The following POU5F1 variants were observed in gnomAD, a reference collection of about 807,000 sequenced individuals.
The protein encoded by POU5F1 is POU class 5 homeobox 1.
In POU5F1, 6 loss-of-function variants were observed where a neutral mutation model predicts 38.3. The ratio of observed to expected loss-of-function variants is 0.16; its 90% CI spans 0.09 to 0.31. The LOEUF is 0.31. Ranked by LOEUF, POU5F1 falls within the 10% of genes least tolerant of loss-of-function variation. The pLI is 1.00. For synonymous variants in POU5F1, 147 were observed against 194.9 expected (o/e 0.75, Z 2.05); for missense variants, 286 against 462.6 (o/e 0.62, Z 3.50).
At chr6:31,169,811 C>A (rs773866448) in intron 1 of POU5F1, 3 of 258,514 alleles carry the variant, frequency 1.2e-5, no homozygotes, top group African/African-American at 2.2e-5. Flanking sequence ...GTCAAATTTT[C>A]AAGCAGGACT....
chr6:31,170,664 G>A lies in POU5F1; in HGVS notation c.-44C>T, dbSNP rs1181696317. Reference sequence around the variant, plus strand: ...AAGCCGGGGGCCTGGTGAAATGAGGGCTTGCGAAGGGACTACTCAACCCCT... The same window carrying A: ...AAGCCGGGGGCCTGGTGAAATGAGGACTTGCGAAGGGACTACTCAACCCCT... On this transcript the variant is annotated 5_prime_UTR_variant, in exon 1 of 5. Transcript: ENST00000259915. The A allele has an allele frequency of 6.6e-7, 1 of 1,514,560 alleles. No individual in the cohort carries two copies. The highest frequency in any genetic ancestry group is 2.1e-5 in the Admixed American group (1 of 46,524). 93.8% of individuals were successfully genotyped at this position (1,514,560 alleles called of 1,614,324 possible). A position where few individuals can be genotyped will look rare whatever the true frequency, so the allele number is the denominator to read the frequency against.
rs751745427 is a variant in POU5F1, at chr6:31,166,015, G to C, written c.438C>G (p.Leu146=). The part of the protein sequence containing the change: ...SQDIKALQKE[L]EQFAKLLKQK... The stretch of plus-strand genomic sequence containing the variant: ...GCTTCAGGAGCTTGGCAAATTGCTC[G>C]AGTTCTTTCTGCAGAGCTTTGATGT... Residue 146 remains leucine, a synonymous_variant, in exon 2 of 5, where the codon CTC becomes CTG. Transcript: ENST00000259915. 6.2e-7 allele frequency: 1 copy of C among 1,614,214 alleles called. No individual in the cohort carries two copies. Among genetic ancestry groups the C allele is most frequent in the Admixed American group, 1.7e-5 (1 of 60,018 alleles).
Position 31,165,835 on chromosome 6 carries a change from G to C in POU5F1, c.526+92C>G, listed in dbSNP as rs1777190285. 6.7e-7 allele frequency: 1 copy of C among 1,503,424 alleles called. No individual in the cohort carries two copies. Among genetic ancestry groups the C allele is most frequent in the Non-Finnish European group, 8.9e-7 (1 of 1,128,686 alleles). 93.1% of individuals were successfully genotyped at this position (1,503,424 alleles called of 1,614,324 possible). A position where few individuals can be genotyped will look rare whatever the true frequency, so the allele number is the denominator to read the frequency against. On this transcript the variant is annotated intron_variant, in intron 2 of 4. Coordinates refer to ENST00000259915, the MANE Select transcript of POU5F1 (RefSeq NM_002701.6). The surrounding 1 kb of genome is among the most constrained non-coding windows in gnomAD (Gnocchi z 6.5). ...CTCCCTCTCCCTACTCCTCTTCATG[G>C]GTGAGGGTAGTCTGCCCCTGCCCCT...
Position 31,165,916 on chromosome 6 carries a change from G to C in POU5F1, c.526+11C>G. 2 of 1,614,004 alleles carry C rather than the reference G, an allele frequency of 1.2e-6. No homozygotes were observed. Among genetic ancestry groups the C allele is most frequent in the South Asian group, 2.2e-5 (2 of 91,062 alleles). On this transcript the variant is annotated intron_variant, in intron 2 of 4. Transcript: ENST00000259915. This position sits in a 1 kb window ranked among gnomAD's most constrained non-coding sequence, Gnocchi z 6.5. ...GGGAGATGCGGTCAGAATCTGCAGA[G>C]GGGAACCCACCAAATAGAACCCCCA...
At chr6:31,170,036 TG>T in intron 1 of POU5F1, 179 bp downstream of exon 1, 3 of 951,422 alleles carry the variant, frequency 3.2e-6, no homozygotes, top group Non-Finnish European at 4.6e-6. Flanking sequence ...ACTTCCCACC[TG>T]GCCCCTGCCT....
chr6:31,168,380 C>T (rs1481027623), intron 1 of POU5F1, among the ~76,000 whole-genome samples: 2 of 152,028 alleles, frequency 1.3e-5, no homozygotes, highest in Non-Finnish European at 2.9e-5. Flanking sequence ...AGATTACAGG[C>T]ATGCGTCACC....
intron 1 of POU5F1, chr6:31,166,662 GA>G (rs9279005): frequency 0.53 from 498,577 of 934,324 alleles, 84,791 homozygotes; most frequent in Admixed American, 0.6. Context: ...CTGTCTCAAA[GA>G]AAAAAAAAAA....
rs939388761 is a variant in POU5F1 at position 31,170,257 on chromosome 6, C to T, written c.364G>A (p.Val122Met). 18 of 1,612,824 alleles carry T rather than the reference C, an allele frequency of 1.1e-5. No homozygotes were observed. Among genetic ancestry groups the T allele is most frequent in the Admixed American group, 5.0e-5 (3 of 60,008 alleles). Residue 122 changes from valine to methionine, a missense_variant, in exon 1 of 5, where the codon GTG (valine) becomes ATG (methionine). This residue lies in a region of POU5F1 where 176 missense variants were observed against 184.8 expected (regional missense o/e 0.95). Transcript: ENST00000259915. ...TCCAGCTTCTCCTTCTCCAGCTTCACGGCACCAGGGGTGACGGTGCAGGGC... is the reference window on the plus strand; with the variant it reads ...TCCAGCTTCTCCTTCTCCAGCTTCATGGCACCAGGGGTGACGGTGCAGGGC... Reference protein sequence around the residue: ...PEPCTVTPGAVKLEKEKLEQN... With the variant: ...PEPCTVTPGAMKLEKEKLEQN...
Position 31,164,421 on chromosome 6 carries a change from T to C in POU5F1, c.*180A>G. The C allele has an allele frequency of 7.3e-6, 8 of 1,097,346 alleles. No individual in the cohort carries two copies. The highest frequency in any genetic ancestry group is 3.2e-5 in the African/African-American group (2 of 62,516). 68.0% of individuals were successfully genotyped at this position (1,097,346 alleles called of 1,614,324 possible). ...TGTGGGATTAAAATCAAGAGCATCA[T>C]TGAACTTCACCTTCCCTCCAACCAG... On this transcript the variant is annotated 3_prime_UTR_variant, in exon 5 of 5. Coordinates refer to ENST00000259915, the MANE Select transcript of POU5F1 (RefSeq NM_002701.6).
rs1777069475 is a variant in POU5F1, at chr6:31,164,705, T to C, written c.979A>G (p.Ser327Gly). The C allele has an allele frequency of 3.8e-6, 6 of 1,593,482 alleles. No individual in the cohort carries two copies. In the East Asian group the frequency reaches 1.4e-4, roughly 36 times the overall value. ...GPHFGTPGYG[S>G]PHFTALYSSV... ...GAGTACAGTGCAGTGAAGTGAGGGC[T>C]CCCATAGCCTGGGGTACCAAAATGG... is the stretch of plus-strand genomic sequence containing the variant. The change falls in exon 5 of 5, where the codon AGC (serine) becomes GGC (glycine). Residue 327 changes from serine to glycine, a missense_variant. Physicochemically the swap from Ser to Gly is moderately conservative, Grantham distance 56. Around this residue, in one of 2 missense-constraint regions of POU5F1, gnomAD observed 110 missense variants for 277.8 expected, o/e 0.40. Transcript: ENST00000259915.
rs773234839 is a variant in POU5F1 at position 31,164,880 on chromosome 6, G to A, written c.817-13C>T. 3.7e-6 allele frequency: 6 copies of A among 1,604,272 alleles called. No individual in the cohort carries two copies. The Admixed American group carries it at 8.5e-5, about 23-fold the overall frequency. On this transcript the variant is annotated splice_polypyrimidine_tract_variant and intron_variant, in intron 4 of 4. Coordinates refer to ENST00000259915, the MANE Select transcript of POU5F1 (RefSeq NM_002701.6). ...ACACTCGGACCACCTGCAAGTGAAT[G>A]ACAGAAAGGAGAATGACATTAGACA...
At chr6:31,167,132 C>G (rs1244144141) in intron 1 of POU5F1, 1 of 431,110 alleles carries the variant, frequency 2.3e-6, no homozygotes, top group African/African-American at 2.0e-5. Context: ...CTTCAAGTTG[C>G]CCACTTGGAT....
chr6:31,170,547 G>T lies in POU5F1; in HGVS notation c.74C>A (p.Pro25Gln), dbSNP rs1264513957. Residue 25 changes from proline (P) to glutamine (Q), a missense_variant, in exon 1 of 5, where the codon CCG becomes CAG. Physicochemically the swap from Pro to Gln is moderately conservative, Grantham distance 76. Coordinates refer to ENST00000259915, the MANE Select transcript of POU5F1 (RefSeq NM_002701.6). The part of the protein sequence containing the change: ...PGGGGDGPGG[P>Q]EPGWVDPRTW... ...CCGAGGATCAACCCAGCCCGGCTCC[G>T]GCCCCCCTGGCCCATCACCTCCACC... 6.4e-7 allele frequency: 1 copy of T among 1,570,518 alleles called. No individual in the cohort carries two copies. Among genetic ancestry groups the T allele is most frequent in the South Asian group, 1.2e-5 (1 of 85,936 alleles).
intron 1 of POU5F1, among the ~76,000 whole-genome samples, chr6:31,168,096 T>C (rs1446013905): frequency 6.6e-6 from 1 of 152,020 alleles, no homozygotes; most frequent in Non-Finnish European, 1.5e-5. Context: ...CCCACCACCA[T>C]GCCCGGCTAA....
chr6:31,167,982 G>A (rs1413168524), intron 1 of POU5F1, among the ~76,000 whole-genome samples: 1 of 151,840 alleles, frequency 6.6e-6, no homozygotes, highest in South Asian at 2.1e-4. Flanking sequence ...TCGTTCTATC[G>A]CCCAGGCTGG....
chr6:31,165,664 C>T lies in POU5F1; in HGVS notation c.564G>A (p.Glu188=). The T allele has an allele frequency of 5.0e-6, 8 of 1,613,746 alleles. No individual in the cohort carries two copies. Among genetic ancestry groups the T allele is most frequent in the Non-Finnish European group, 6.8e-6 (8 of 1,179,870 alleles). Reference sequence around the variant, plus strand: ...TGTTCTTGAAGCTAAGCTGCAGAGCCTCAAAGCGGCAGATGGTCGTTTGGC... The same window carrying T: ...TGTTCTTGAAGCTAAGCTGCAGAGCTTCAAAGCGGCAGATGGTCGTTTGGC... ...VFSQTTICRF[E]ALQLSFKNMC... The change falls in exon 3 of 5, where the codon GAG becomes GAA. Residue 188 remains glutamate, a synonymous_variant. Transcript: ENST00000259915. The surrounding 1 kb of genome is among the most constrained non-coding windows in gnomAD (Gnocchi z 6.5).
At position 31,165,101 on chromosome 6, in the gene POU5F1, G is replaced by A; in HGVS notation, c.816+27C>T. On this transcript the variant is annotated intron_variant, in intron 4 of 4. Transcript: ENST00000259915. The surrounding 1 kb of genome is among the most constrained non-coding windows in gnomAD (Gnocchi z 6.5). ...GAGGTGGTGACAGGGGAAAGAGATG[G>A]AGCCCGCAGAGAGACATGGCACTCA... is the stretch of plus-strand genomic sequence containing the variant. 1 of 1,599,856 alleles carries A rather than the reference G, an allele frequency of 6.3e-7. No individual in the cohort carries two copies. Among genetic ancestry groups the A allele is most frequent in the South Asian group, 1.1e-5 (1 of 88,954 alleles).
At position 31,170,665 on chromosome 6, in the gene POU5F1, C is replaced by G; in HGVS notation, c.-45G>C. ...AGCCGGGGGCCTGGTGAAATGAGGG[C>G]TTGCGAAGGGACTACTCAACCCCTC... is the stretch of plus-strand genomic sequence containing the variant. On this transcript the variant is annotated 5_prime_UTR_variant, in exon 1 of 5. Coordinates refer to ENST00000259915, the MANE Select transcript of POU5F1 (RefSeq NM_002701.6). The G allele has an allele frequency of 2.0e-6, 3 of 1,514,448 alleles. No homozygotes were observed. The highest frequency in any genetic ancestry group is 2.7e-6 in the Non-Finnish European group (3 of 1,129,786). 93.8% of individuals were successfully genotyped at this position (1,514,448 alleles called of 1,614,324 possible).
In POU5F1 at chr6:31,170,452, C is replaced by T; in HGVS notation, c.169G>A (p.Val57Met). Residue 57 changes from valine to methionine, a missense_variant, in exon 1 of 5, where the codon GTG becomes ATG. By Grantham distance (21) the Val-to-Met change is conservative. This residue lies in a region of POU5F1 where 176 missense variants were observed against 184.8 expected (regional missense o/e 0.95). Coordinates refer to ENST00000259915, the MANE Select transcript of POU5F1 (RefSeq NM_002701.6). ...IGPGVGPGSE[V>M]WGIPPCPPPY... ...GGGGGGCATGGGGGAATCCCCCACA[C>T]CTCAGAGCCTGGCCCAACCCCCGGC... The T allele has an allele frequency of 6.2e-7, 1 of 1,609,914 alleles. No homozygotes were observed. Among genetic ancestry groups the T allele is most frequent in the Non-Finnish European group, 8.5e-7 (1 of 1,178,886 alleles).
Sources: gnomAD v4.1 joint callset for allele counts (sites outside exome capture counted in the v4.1 genomes callset) on GRCh38, gnomAD v4.1.1 for gene constraint, gnomAD v4.1.1 regional missense constraint, Gnocchi (gnomAD v3.1) non-coding constraint, MANE v1.5 for transcripts, NCBI Gene and HGNC (gene_info 2026-07-23, HGNC 2026-07-21) for gene names.